The following ABLIM1 variants were observed in gnomAD, a reference collection of about 807,000 sequenced individuals.
ABLIM1 encodes the protein actin binding LIM protein 1.
A neutral mutation model predicts 107.0 loss-of-function variants in ABLIM1; 40 were observed. The ratio of observed to expected loss-of-function variants is 0.37; its 90% CI spans 0.29 to 0.49. The LOEUF is 0.49. Among genes scored for constraint, ABLIM1 ranks in the 20% least tolerant of loss-of-function variants. The pLI is 0.97. For missense variants in ABLIM1, 857 were observed against 1,008.5 expected, an observed-to-expected ratio of 0.85 and a Z score of 2.04; for synonymous variants, 357 against 357.3, an observed-to-expected ratio of 1.00 and a Z score of 0.01.
At chr10:114,704,333 T>TAG (rs2081374947) in intron 1 of ABLIM1, among the ~76,000 whole-genome samples, 1 of 58,522 alleles carries the variant, frequency 1.7e-5, no homozygotes. Flanking sequence ...TATATATATA[T>TAG]ATTGCGCGCG....
chr10:114,622,961 CT>C (rs1037457314), intron 1 of ABLIM1, among the ~76,000 whole-genome samples: 8 of 152,210 alleles, frequency 5.3e-5, no homozygotes, highest in African/African-American at 1.9e-4. Flanking sequence ...ACTCTTTTCC[CT>C]TTTTTTCGTT....
At chr10:114,553,262 T>A (rs921384268) in intron 4 of ABLIM1, among the ~76,000 whole-genome samples, 1 of 152,222 alleles carries the variant, frequency 6.6e-6, no homozygotes, top group African/African-American at 2.4e-5. Context: ...ATGCTTCGAA[T>A]GTGTAGAGTC....
chr10:114,587,603 T>C (rs975609698), intron 2 of ABLIM1, among the ~76,000 whole-genome samples: 1 of 152,208 alleles, frequency 6.6e-6, no homozygotes, highest in Non-Finnish European at 1.5e-5. Flanking sequence ...CACGGTTCCA[T>C]TTATTTCTAG....
chr10:114,543,028 G>T (rs370903186), intron 6 of ABLIM1, among the ~76,000 whole-genome samples: 1 of 152,066 alleles, frequency 6.6e-6, no homozygotes, highest in Non-Finnish European at 1.5e-5. Context: ...GTGTGCGGAG[G>T]GTGGGGGCCC....
At chr10:114,687,443 C>T (rs72831071), upstream of ABLIM1, among the ~76,000 whole-genome samples, 4 of 152,162 alleles carry the variant, frequency 2.6e-5, no homozygotes, top group Non-Finnish European at 5.9e-5. Flanking sequence ...ATAAGGAGAA[C>T]AATTCTCTTC....
intron 1 of ABLIM1, among the ~76,000 whole-genome samples, chr10:114,650,564 T>TAAAG (rs376957945): frequency 1.3e-5 from 2 of 151,692 alleles, no homozygotes; most frequent in African/African-American, 2.4e-5. Flanking sequence ...AAAAATAAAA[T>TAAAG]AAACAAAACA....
intron 1 of ABLIM1, among the ~76,000 whole-genome samples, chr10:114,752,737 A>G (rs2082544275): frequency 1.3e-5 from 2 of 152,194 alleles, no homozygotes; most frequent in South Asian, 2.1e-4. Context: ...AATGGCTTCC[A>G]GCTCCATCCA....
At position 114,448,045 on chromosome 10, in the gene ABLIM1, T is replaced by G. The variant is rs1226165095; in HGVS notation, c.1595-25A>C. 3 of 1,613,782 alleles carry G rather than the reference T, an allele frequency of 1.9e-6. No individual in the cohort carries two copies. The South Asian group carries it at 3.3e-5, about 18-fold the overall frequency. On this transcript the variant is annotated intron_variant, in intron 14 of 22. Coordinates refer to ENST00000533213, the MANE Select transcript of ABLIM1 (RefSeq NM_002313.7). ...GCTGCATCTAGATGGGAATCAGGGG[T>G]TGCTTAGCTATTGGTCTGTAAGACA...
chr10:114,571,249 C>T (rs748956857), intron 4 of ABLIM1, 48 bp downstream of exon 4: 31 of 1,561,738 alleles, frequency 2.0e-5, no homozygotes, highest in Middle Eastern at 1.7e-4. Flanking sequence ...CCTGAGCTAC[C>T]TCTGGACTAC....
rs529565958 is a variant in ABLIM1, at chr10:114,656,647, T to C, written c.244+1310A>G. The stretch of plus-strand genomic sequence containing the variant: ...TGGATATGCATAGAGGCATTATTCA[T>C]AAAATCCAAAAGTTGGAAACATCCC... On this transcript the variant is annotated intron_variant, in intron 1 of 22. Transcript: ENST00000533213. 8.5e-5 allele frequency among the ~76,000 whole-genome samples: 13 copies of C among 152,308 alleles called. No homozygotes were observed. In the South Asian group the frequency reaches 2.7e-3, roughly 32 times the overall value.
At chr10:114,739,185 G>A (rs780266927) in intron 1 of ABLIM1, among the ~76,000 whole-genome samples, 2 of 152,194 alleles carry the variant, frequency 1.3e-5, no homozygotes, top group Non-Finnish European at 2.9e-5. Flanking sequence ...TCTAGTTTCC[G>A]ATGTTTACAA....
chr10:114,634,156 G>A (rs1341489806), intron 1 of ABLIM1, among the ~76,000 whole-genome samples: 3 of 15,210 alleles, frequency 2.0e-4, no homozygotes, highest in African/African-American at 6.1e-4. Context: ...TTTTTGAGAC[G>A]GAGTCTTGCT....
At chr10:114,583,468 C>CACACACATATATATATATATATATAT (rs1342722676) in intron 2 of ABLIM1, among the ~76,000 whole-genome samples, 1 of 15,104 alleles carries the variant, frequency 6.6e-5, no homozygotes, top group Non-Finnish European at 1.2e-4. Context: ...CACACACACA[C>CACACACATATATATATATATATATAT]ATATATATAT....
chr10:114,439,009 T>C (rs149152584), intron 21 of ABLIM1, among the ~76,000 whole-genome samples, 167 bp downstream of exon 21: 8 of 152,370 alleles, frequency 5.3e-5, no homozygotes, highest in Non-Finnish European at 1.0e-4. Flanking sequence ...TTTAACCTGC[T>C]GACCTGATGT....
intron 12 of ABLIM1, among the ~76,000 whole-genome samples, chr10:114,454,566 C>G (rs1239345978): frequency 6.6e-6 from 1 of 152,060 alleles, no homozygotes; most frequent in African/African-American, 2.4e-5. Flanking sequence ...AGAAGAGGGA[C>G]CAGGGCAGAA....
intron 4 of ABLIM1, among the ~76,000 whole-genome samples, chr10:114,557,130 C>T (rs2068848892): frequency 6.6e-6 from 1 of 152,196 alleles, no homozygotes; most frequent in Non-Finnish European, 1.5e-5. Context: ...ACATATTTTA[C>T]ATCTCAGATT....
intron 1 of ABLIM1, among the ~76,000 whole-genome samples, chr10:114,648,557 C>T (rs2079101473): frequency 6.6e-6 from 1 of 152,130 alleles, no homozygotes; most frequent in Non-Finnish European, 1.5e-5. Flanking sequence ...TTCTAACGGG[C>T]ACAAGGTTTC....
chr10:114,716,878 A>G (rs1231724519), intron 1 of ABLIM1, among the ~76,000 whole-genome samples: 1 of 151,904 alleles, frequency 6.6e-6, no homozygotes, highest in Non-Finnish European at 1.5e-5. Flanking sequence ...GAGCAGGAAA[A>G]CACAGGAGAA....
chr10:114,747,507 C>T (rs1236729785), intron 1 of ABLIM1, among the ~76,000 whole-genome samples: 2 of 152,172 alleles, frequency 1.3e-5, no homozygotes, highest in Non-Finnish European at 2.9e-5. Context: ...GAATCTGCAG[C>T]TAATTCCAGA....
Sources: allele counts gnomAD v4.1 joint callset (sites outside exome capture counted in the v4.1 genomes callset), GRCh38; gene constraint gnomAD v4.1.1; transcripts MANE v1.5; gene names NCBI Gene and HGNC (gene_info 2026-07-23, HGNC 2026-07-21).